Variants in RSU1 observed in about 807,000 individuals in gnomAD.
RSU1 encodes the protein rsu-1.
A neutral mutation model predicts 31.1 loss-of-function variants in RSU1; 26 were observed. That is an observed-to-expected ratio of 0.84 (90% CI 0.61 to 1.16). The LOEUF (loss-of-function observed/expected upper bound fraction) is 1.16, where lower values mean the gene tolerates loss of function less well. Ranked by LOEUF, RSU1 falls within the 50% of genes most tolerant of loss-of-function variation. RSU1 has a pLI of 0.00. For missense variants in RSU1, 320 were observed against 339.1 expected (o/e 0.94, Z 0.44); for synonymous variants, 164 against 136.3 (o/e 1.20, Z -1.41).
At chr10:16,719,096 G>A (rs1836203672) in intron 7 of RSU1, among the ~76,000 whole-genome samples, 1 of 152,058 alleles carries the variant, frequency 6.6e-6, no homozygotes, top group South Asian at 2.1e-4. Flanking sequence ...TTGCTTGACG[G>A]CAGGAGTTGA....
chr10:16,690,466 C>T (rs1835524719), intron 8 of RSU1, among the ~76,000 whole-genome samples: 1 of 152,168 alleles, frequency 6.6e-6, no homozygotes, highest in Admixed American at 6.5e-5. Context: ...CAGAATGTTA[C>T]TCCAAAGAGC....
At chr10:16,620,150 A>C (rs921826002) in intron 8 of RSU1, among the ~76,000 whole-genome samples, 2 of 152,194 alleles carry the variant, frequency 1.3e-5, no homozygotes, top group Non-Finnish European at 2.9e-5. Flanking sequence ...TGAGCAGGTT[A>C]TTTAACCTAT....
intron 2 of RSU1, among the ~76,000 whole-genome samples, chr10:16,816,587 A>G (rs961677911): frequency 2.0e-5 from 3 of 152,228 alleles, no homozygotes; most frequent in African/African-American, 7.2e-5. Context: ...ATGCTTATTA[A>G]CCATGGAACT....
At chr10:16,753,056 G>A in intron 5 of RSU1, 56 bp from the exon 6 acceptor site, 3 of 1,391,376 alleles carry the variant, frequency 2.2e-6, no homozygotes, top group Non-Finnish European at 3.1e-6. Flanking sequence ...ACCATTTGAG[G>A]TCTGATCAAT....
chr10:16,593,222 C>T lies in RSU1; in HGVS notation c.*172G>A, dbSNP rs1833541395. The T allele has an allele frequency of 3.2e-6, 4 of 1,267,334 alleles. No homozygotes were observed. In the Admixed American group the frequency reaches 1.2e-4, roughly 37 times the overall value. 78.5% of individuals were successfully genotyped at this position (1,267,334 alleles called of 1,614,324 possible). On this transcript the variant is annotated 3_prime_UTR_variant, in exon 9 of 9. Transcript: ENST00000345264. ...GGTTTAAAGACCTTATAACAATCTC[C>T]CACCTAGCAAAAGAATCTAAAAGGT...
At position 16,754,913 on chromosome 10, in the gene RSU1, T is replaced by C. The variant is rs777410977; in HGVS notation, c.358A>G (p.Asn120Asp). 3.7e-6 allele frequency: 6 copies of C among 1,613,154 alleles called. No individual in the cohort carries two copies. The highest frequency in any genetic ancestry group is 5.1e-6 in the Non-Finnish European group (6 of 1,179,536). Residue 120 changes from asparagine (N) to aspartate (D), a missense_variant, in exon 5 of 9, where the codon AAC becomes GAC. Asn to Asp is a conservative substitution (Grantham distance 23). Coordinates refer to ENST00000345264, the MANE Select transcript of RSU1 (RefSeq NM_012425.4). ...CCAGGAAGAGAATTTTCGCTCAAGT[T>C]GTTGTACGTCAAGTCCAGAACCTCA... ...ALEVLDLTYNNLSENSLPGNF... is the reference protein window; with the variant it reads ...ALEVLDLTYNDLSENSLPGNF...
chr10:16,681,466 C>T (rs888476469), intron 8 of RSU1, among the ~76,000 whole-genome samples: 10 of 152,040 alleles, frequency 6.6e-5, no homozygotes, highest in Non-Finnish European at 1.0e-4. Context: ...TTTCCCGTAA[C>T]AATTTGTATT....
At chr10:16,703,217 C>A (rs929438656) in intron 7 of RSU1, among the ~76,000 whole-genome samples, 2 of 152,178 alleles carry the variant, frequency 1.3e-5, no homozygotes, top group African/African-American at 2.4e-5. Flanking sequence ...GCCAATTAAA[C>A]CTCTGTTCTT....
At chr10:16,644,946 A>G (rs9651521) in intron 8 of RSU1, among the ~76,000 whole-genome samples, 9,329 of 152,238 alleles carry the variant, frequency 0.061, 980 homozygotes, top group African/African-American at 0.21. Flanking sequence ...GTCTAATTTT[A>G]TCTGCAAGAA....
At chr10:16,780,535 TC>T in intron 3 of RSU1, among the ~76,000 whole-genome samples, 1 of 152,330 alleles carries the variant, frequency 6.6e-6, no homozygotes, top group African/African-American at 2.4e-5. Context: ...CGGTCACTGA[TC>T]CTGGCCAGTT....
intron 7 of RSU1, among the ~76,000 whole-genome samples, chr10:16,719,724 G>A (rs1394486304): frequency 6.6e-6 from 1 of 152,192 alleles, no homozygotes; most frequent in African/African-American, 2.4e-5. Context: ...TGGTGATGAC[G>A]CCTTCTCTAA....
chr10:16,783,656 AT>A (rs1837706585), intron 2 of RSU1, among the ~76,000 whole-genome samples: 1 of 111,526 alleles, frequency 9.0e-6, no homozygotes, highest in African/African-American at 6.2e-5. Context: ...GTCCGGCCGC[AT>A]GTTTTTTTTT....
At chr10:16,801,069 A>G (rs954180591) in intron 2 of RSU1, among the ~76,000 whole-genome samples, 1 of 151,792 alleles carries the variant, frequency 6.6e-6, no homozygotes, top group Non-Finnish European at 1.5e-5. Context: ...CATATCAATT[A>G]TAAGACTATC....
chr10:16,762,377 C>A (rs1275388462), intron 4 of RSU1, among the ~76,000 whole-genome samples: 1 of 151,324 alleles, frequency 6.6e-6, no homozygotes, highest in African/African-American at 2.4e-5. Flanking sequence ...GAATATACAT[C>A]TATATGTAGT....
intron 2 of RSU1, among the ~76,000 whole-genome samples, chr10:16,813,460 T>C (rs1249050270): frequency 2.6e-5 from 4 of 152,198 alleles, no homozygotes; most frequent in African/African-American, 7.2e-5. Context: ...TATGGGTCTA[T>C]AGCTGGATAT....
At chr10:16,734,193 A>G (rs112377155) in intron 7 of RSU1, among the ~76,000 whole-genome samples, 2 of 152,250 alleles carry the variant, frequency 1.3e-5, no homozygotes, top group African/African-American at 2.4e-5. Context: ...GCAAGGGGGA[A>G]GAAAGCCAAC....
intron 2 of RSU1, among the ~76,000 whole-genome samples, chr10:16,790,543 A>G (rs1346476349): frequency 6.6e-6 from 1 of 152,020 alleles, no homozygotes; most frequent in African/African-American, 2.4e-5. Flanking sequence ...CCATGCACCC[A>G]GGGGACCTAC....
chr10:16,690,294 G>C (rs990683870), intron 8 of RSU1, among the ~76,000 whole-genome samples: 13 of 152,240 alleles, frequency 8.5e-5, no homozygotes, highest in Admixed American at 4.6e-4. Context: ...AAACACAGTG[G>C]AGCATGTAGG....
chr10:16,729,117 T>C (rs1352251393), intron 7 of RSU1, among the ~76,000 whole-genome samples: 3 of 152,240 alleles, frequency 2.0e-5, no homozygotes, highest in Non-Finnish European at 4.4e-5. Flanking sequence ...CTTATTTTTC[T>C]AGGCCTCAAA....
Sources: allele counts gnomAD v4.1 joint callset (sites outside exome capture counted in the v4.1 genomes callset), GRCh38; gene constraint gnomAD v4.1.1; transcripts MANE v1.5; gene names NCBI Gene and HGNC (gene_info 2026-07-23, HGNC 2026-07-21).